The following SPPL3 variants were observed in gnomAD, a reference collection of about 807,000 sequenced individuals.
SPPL3 encodes the protein signal peptide peptidase like 3, also known as signal peptide peptidase-like 3.
In SPPL3, 5 loss-of-function variants were observed where a neutral mutation model predicts 42.4. The observed-to-expected ratio is 0.12, with a 90% CI of 0.06 to 0.25. SPPL3 has a LOEUF of 0.25. Among genes scored for constraint, SPPL3 ranks in the 10% least tolerant of loss-of-function variants. The probability of loss-of-function intolerance (pLI) is 1.00; values close to 1 mark genes in which losing one functional copy is unlikely to be tolerated. For missense variants in SPPL3, 235 were observed against 489.0 expected (o/e 0.48, Z 4.90); for synonymous variants, 195 against 181.8 (o/e 1.07, Z -0.58).
chr12:120,890,588 CA>C (rs34253596), intron 1 of SPPL3, among the ~76,000 whole-genome samples: 948 of 91,394 alleles, frequency 0.01, 9 homozygotes, highest in African/African-American at 0.03. Context: ...GACTCCGTCT[CA>C]AAAAAAAAAA....
chr12:120,765,690 G>C (rs1393623364), intron 10 of SPPL3, among the ~76,000 whole-genome samples: 3 of 151,418 alleles, frequency 2.0e-5, no homozygotes, highest in Non-Finnish European at 4.4e-5. Context: ...TCCCTAGAAG[G>C]GGTGCTTTTA....
chr12:120,835,546 A>T (rs557966512), intron 1 of SPPL3: 1 of 152,384 alleles, frequency 6.6e-6, no homozygotes, highest in South Asian at 2.1e-4. Flanking sequence ...TTTTATAGTC[A>T]GAAAAATCTT....
intron 5 of SPPL3, 47 bp from the exon 6 acceptor site, chr12:120,782,814 G>C: frequency 7.3e-7 from 1 of 1,373,448 alleles, no homozygotes; most frequent in African/African-American, 1.4e-5. Context: ...ACTTTATTCA[G>C]TAACCAAATT....
At chr12:120,893,725 A>C (rs747446783) in intron 1 of SPPL3, among the ~76,000 whole-genome samples, 27 of 152,110 alleles carry the variant, frequency 1.8e-4, no homozygotes, top group Admixed American at 5.2e-4. Context: ...ATGCCTTTTC[A>C]TCGCCACTGC....
chr12:120,855,456 G>A (rs954608555), intron 1 of SPPL3, among the ~76,000 whole-genome samples: 1 of 152,142 alleles, frequency 6.6e-6, no homozygotes, highest in African/African-American at 2.4e-5. Context: ...GGGAGGCCGA[G>A]GCAGGCAGGT....
intron 1 of SPPL3, among the ~76,000 whole-genome samples, chr12:120,863,821 T>C (rs1489993572): frequency 1.5e-5 from 2 of 133,802 alleles, no homozygotes; most frequent in African/African-American, 2.8e-5. Flanking sequence ...TTTTTTTTTT[T>C]CTTGTAGCTT....
intron 2 of SPPL3, among the ~76,000 whole-genome samples, chr12:120,805,943 T>C (rs1047606462): frequency 2.0e-5 from 3 of 150,270 alleles, no homozygotes; most frequent in Non-Finnish European, 2.9e-5. Flanking sequence ...ATCATTAAGA[T>C]AGCAATTTTC....
At chr12:120,903,499 A>C (rs1283663305) in intron 1 of SPPL3, 5 of 317,036 alleles carry the variant, frequency 1.6e-5, no homozygotes, top group Non-Finnish European at 2.4e-5. Flanking sequence ...AAACACCCCC[A>C]CGAGTCAGTT....
At chr12:120,854,711 C>T (rs994443172) in intron 1 of SPPL3, among the ~76,000 whole-genome samples, 1 of 152,118 alleles carries the variant, frequency 6.6e-6, no homozygotes, top group Admixed American at 6.5e-5. Context: ...AGCCTGAATG[C>T]CCCAAAGTCT....
chr12:120,772,829 T>A (rs1036857924), intron 6 of SPPL3, among the ~76,000 whole-genome samples: 1 of 152,158 alleles, frequency 6.6e-6, no homozygotes, highest in Non-Finnish European at 1.5e-5. Flanking sequence ...GCAAAATATA[T>A]ATCTTCATCT....
At chr12:120,822,202 G>A (rs1363919485) in intron 1 of SPPL3, among the ~76,000 whole-genome samples, 2 of 152,114 alleles carry the variant, frequency 1.3e-5, no homozygotes, top group African/African-American at 2.4e-5. Flanking sequence ...ATAAGTGAAC[G>A]TACTTAATGT....
At chr12:120,835,245 C>A (rs1251069254) in intron 1 of SPPL3, among the ~76,000 whole-genome samples, 1 of 152,166 alleles carries the variant, frequency 6.6e-6, no homozygotes, top group Non-Finnish European at 1.5e-5. Flanking sequence ...AAGCTCTTAG[C>A]CAAATAACAT....
chr12:120,836,154 T>C (rs1272098235), intron 1 of SPPL3, among the ~76,000 whole-genome samples: 1 of 152,060 alleles, frequency 6.6e-6, no homozygotes, highest in East Asian at 1.9e-4. Context: ...TCTCTGCATA[T>C]ATCTGCTACT....
intron 1 of SPPL3, among the ~76,000 whole-genome samples, chr12:120,902,270 C>T (rs868207341): frequency 6.6e-5 from 10 of 152,202 alleles, no homozygotes; most frequent in Admixed American, 1.3e-4. Context: ...GCACATACAT[C>T]AATGAAGTTC....
chr12:120,838,755 T>G (rs1330729519), intron 1 of SPPL3, among the ~76,000 whole-genome samples: 1 of 152,192 alleles, frequency 6.6e-6, no homozygotes, highest in Non-Finnish European at 1.5e-5. Context: ...AAAAACCTCA[T>G]GAGCTTCATC....
intron 1 of SPPL3, among the ~76,000 whole-genome samples, chr12:120,857,863 C>T (rs536739901): frequency 7.2e-5 from 11 of 152,258 alleles, no homozygotes; most frequent in East Asian, 3.9e-4. Flanking sequence ...CTAATGCATG[C>T]GGGGCTTAAT....
intron 10 of SPPL3, 150 bp from the exon 11 acceptor site, chr12:120,765,220 TCTC>T: frequency 1.6e-6 from 1 of 627,740 alleles, no homozygotes; most frequent in Non-Finnish European, 2.6e-6. Flanking sequence ...CTCGGGCAAT[TCTC>T]CTGCCTCGAC....
Position 120,891,918 on chromosome 12 carries a change from C to T in SPPL3, c.23+11927G>A, listed in dbSNP as rs373847513. 7.2e-5 allele frequency among the ~76,000 whole-genome samples: 11 copies of T among 152,242 alleles called. No homozygotes were observed. The East Asian group carries it at 1.5e-3, about 21-fold the overall frequency. On this transcript the variant is annotated intron_variant, in intron 1 of 10. Coordinates refer to ENST00000353487, the MANE Select transcript of SPPL3 (RefSeq NM_139015.5). ...GAAGACTAAGCTGAATGAAGAAGAG[C>T]GCTCTAAAGGGCTTGTGGCCCTTTG...
intron 2 of SPPL3, among the ~76,000 whole-genome samples, chr12:120,809,244 C>G (rs1293791486): frequency 6.6e-6 from 1 of 152,036 alleles, no homozygotes; most frequent in Non-Finnish European, 1.5e-5. Context: ...ATTCAGGAGG[C>G]CGAGACAGAA....
Sources: gnomAD v4.1 joint callset for allele counts (sites outside exome capture counted in the v4.1 genomes callset) on GRCh38, gnomAD v4.1.1 for gene constraint, MANE v1.5 for transcripts, NCBI Gene and HGNC (gene_info 2026-07-23, HGNC 2026-07-21) for gene names.